The following MYO6 variants were observed in gnomAD, a reference collection of about 807,000 sequenced individuals.
MYO6 encodes the protein myosin VI, also known as unconventional myosin-VI.
A neutral mutation model predicts 178.7 loss-of-function variants in MYO6; 74 were observed. That is an observed-to-expected ratio of 0.41 (90% CI 0.34 to 0.50). The LOEUF (loss-of-function observed/expected upper bound fraction) is 0.50. Ranked by LOEUF, MYO6 falls within the 20% of genes least tolerant of loss-of-function variation. MYO6 has a pLI of 0.09. For missense variants in MYO6, 1,330 were observed against 1,547.4 expected (o/e 0.86, Z 2.36); for synonymous variants, 477 against 504.6 (o/e 0.95, Z 0.73).
chr6:75,807,361 A>G lies in MYO6; in HGVS notation c.-47-10140A>G, dbSNP rs1031197572. Among the ~76,000 whole-genome samples, 12 of 152,192 alleles carry G rather than the reference A, an allele frequency of 7.9e-5. No individual in the cohort carries two copies. In the East Asian group the frequency reaches 9.6e-4, roughly 12 times the overall value. On this transcript the variant is annotated intron_variant, in intron 1 of 34. Transcript: ENST00000369977. ...TGTTGAGGACTCCATGGAAATTTTGACTAGACTCTAGAAAATCATGTCTTT... is the reference window on the plus strand; with the variant it reads ...TGTTGAGGACTCCATGGAAATTTTGGCTAGACTCTAGAAAATCATGTCTTT...
intron 1 of MYO6, among the ~76,000 whole-genome samples, chr6:75,783,743 G>T (rs1767230826): frequency 6.6e-6 from 1 of 151,964 alleles, no homozygotes; most frequent in Non-Finnish European, 1.5e-5. Flanking sequence ...TTTAGTGTTT[G>T]CAGGCATTAT....
chr6:75,779,284 C>T (rs1766721515), intron 1 of MYO6, among the ~76,000 whole-genome samples: 1 of 151,910 alleles, frequency 6.6e-6, no homozygotes, highest in Non-Finnish European at 1.5e-5. Flanking sequence ...GTCAGATTAC[C>T]TGAGGTCAGG....
chr6:75,833,881 T>A (rs907879671), intron 6 of MYO6, among the ~76,000 whole-genome samples: 3 of 152,240 alleles, frequency 2.0e-5, no homozygotes, highest in Non-Finnish European at 2.9e-5. Flanking sequence ...TGACATAGTT[T>A]GGAATGGTGG....
Position 75,892,621 on chromosome 6 carries a change from C to T in MYO6, c.3038C>T (p.Ala1013Val), listed in dbSNP as rs1192694120. The T allele has an allele frequency of 1.2e-6, 2 of 1,613,156 alleles. No homozygotes were observed. Among genetic ancestry groups the T allele is most frequent in the Middle Eastern group, 1.9e-4 (1 of 5,354 alleles). ...LEQERRDREL[A>V]LRIAQSEAEL... ...CAGGAGCGCAGGGACCGGGAGCTGGCCCTGAGGATTGCCCAGAGTGAAGCC... is the reference window on the plus strand; with the variant it reads ...CAGGAGCGCAGGGACCGGGAGCTGGTCCTGAGGATTGCCCAGAGTGAAGCC... The change falls in exon 28 of 35, where the codon GCC (alanine) becomes GTC (valine). Residue 1013 changes from alanine (A) to valine (V), a missense_variant. Ala to Val is a moderately conservative substitution (Grantham distance 64, BLOSUM62 0). Transcript: ENST00000369977.
At chr6:75,856,199 C>T (rs1306362531) in intron 12 of MYO6, among the ~76,000 whole-genome samples, 2 of 152,240 alleles carry the variant, frequency 1.3e-5, no homozygotes, top group East Asian at 3.9e-4. Flanking sequence ...AGGGAAAGCC[C>T]ATAAATGTGC....
chr6:75,917,749 T>G lies in MYO6; in HGVS notation c.*2737T>G, dbSNP rs1042088257. The G allele has an allele frequency of 1.3e-5, 2 of 152,642 alleles. No homozygotes were observed. Among genetic ancestry groups the G allele is most frequent in the Non-Finnish European group, 2.9e-5 (2 of 68,038 alleles). The allele number at this position is 152,642 out of a possible 1,614,324, so 9.5% of individuals were successfully genotyped here. On this transcript the variant is annotated 3_prime_UTR_variant, in exon 35 of 35. Transcript: ENST00000369977. ...GAAAATCAGTGGTGGTTGTGAACAC[T>G]TAGAGAATAGCAATCCACAGGCAAG...
At chr6:75,845,273 A>G (rs991140693) in intron 10 of MYO6, among the ~76,000 whole-genome samples, 2 of 152,164 alleles carry the variant, frequency 1.3e-5, no homozygotes, top group African/African-American at 4.8e-5. Flanking sequence ...CTCTTCTAGC[A>G]TTTTTGAAAC....
intron 5 of MYO6, among the ~76,000 whole-genome samples, chr6:75,831,105 G>C (rs924474721): frequency 6.6e-6 from 1 of 152,174 alleles, no homozygotes; most frequent in Non-Finnish European, 1.5e-5. Context: ...GCCTTTCTCA[G>C]CCTCTTTTAT....
chr6:75,905,450 C>T (rs1001937067), intron 30 of MYO6, among the ~76,000 whole-genome samples: 3 of 152,246 alleles, frequency 2.0e-5, no homozygotes, highest in Admixed American at 6.5e-5. Context: ...GTCGGAAAAG[C>T]GCAGTATTCG....
At chr6:75,881,360 T>G (rs1381269375) in intron 22 of MYO6, among the ~76,000 whole-genome samples, 3 of 152,064 alleles carry the variant, frequency 2.0e-5, no homozygotes, top group African/African-American at 7.2e-5. Flanking sequence ...AGAGATACAG[T>G]AGTCCTTTTT....
intron 19 of MYO6, among the ~76,000 whole-genome samples, chr6:75,872,225 T>G (rs1389196492): frequency 6.6e-6 from 1 of 152,214 alleles, no homozygotes; most frequent in African/African-American, 2.4e-5. Flanking sequence ...GTAACTACTT[T>G]GAAGAGAAAC....
intron 1 of MYO6, among the ~76,000 whole-genome samples, chr6:75,750,241 C>T (rs961336665): frequency 6.6e-6 from 1 of 151,940 alleles, no homozygotes; most frequent in Non-Finnish European, 1.5e-5. Flanking sequence ...ATTACAAGCG[C>T]CCACCACCAC....
chr6:75,876,414 T>C (rs537176442), intron 20 of MYO6, among the ~76,000 whole-genome samples: 72 of 152,302 alleles, frequency 4.7e-4, no homozygotes, highest in Non-Finnish European at 9.7e-4. Context: ...GTAGAAAATA[T>C]GAAGATTTAT....
chr6:75,823,322 G>A (rs1412011866), intron 3 of MYO6, among the ~76,000 whole-genome samples: 2 of 152,006 alleles, frequency 1.3e-5, no homozygotes, highest in African/African-American at 4.8e-5. Context: ...TTAAAACACA[G>A]CATTAATTTG....
intron 30 of MYO6, among the ~76,000 whole-genome samples, chr6:75,902,389 G>A (rs1228694675): frequency 6.6e-6 from 1 of 152,132 alleles, no homozygotes; most frequent in African/African-American, 2.4e-5. Flanking sequence ...ATTGATTATT[G>A]CCACAATTTC....
At chr6:75,773,705 G>A (rs924776477) in intron 1 of MYO6, among the ~76,000 whole-genome samples, 6 of 152,174 alleles carry the variant, frequency 3.9e-5, no homozygotes, top group Non-Finnish European at 4.4e-5. Flanking sequence ...GAGAAGTTCT[G>A]TGGGTGCTAT....
chr6:75,867,290 G>A, intron 18 of MYO6, 185 bp downstream of exon 18: 1 of 534,614 alleles, frequency 1.9e-6, no homozygotes. Flanking sequence ...ATACAGAAAT[G>A]CTTGTAATTA....
At chr6:75,805,410 T>C (rs998486211) in intron 1 of MYO6, among the ~76,000 whole-genome samples, 1 of 152,148 alleles carries the variant, frequency 6.6e-6, no homozygotes, top group Non-Finnish European at 1.5e-5. Flanking sequence ...GCCTGTAGTA[T>C]TTAATACATA....
intron 1 of MYO6, among the ~76,000 whole-genome samples, chr6:75,804,219 A>G (rs1413306865): frequency 6.6e-6 from 1 of 152,176 alleles, no homozygotes; most frequent in Non-Finnish European, 1.5e-5. Flanking sequence ...CAATTCCTGA[A>G]CTTTGGTTCG....
Sources: allele counts gnomAD v4.1 joint callset (sites outside exome capture counted in the v4.1 genomes callset), GRCh38; gene constraint gnomAD v4.1.1; transcripts MANE v1.5; gene names NCBI Gene and HGNC (gene_info 2026-07-23, HGNC 2026-07-21).